The following GAB4 variants were observed in gnomAD, a reference collection of about 807,000 sequenced individuals.
GAB4 encodes GRB2 associated binding protein family member 4.
In GAB4, 26 loss-of-function variants were observed where a neutral mutation model predicts 51.3. That is an observed-to-expected ratio of 0.51 (90% CI 0.37 to 0.70). GAB4 has a LOEUF of 0.70. Among genes scored for constraint, GAB4 ranks in the 30% least tolerant of loss-of-function variants. The pLI, the probability that GAB4 is intolerant of heterozygous loss-of-function variation, is 0.00. For missense variants in GAB4, 759 were observed against 734.6 expected, an observed-to-expected ratio of 1.03 and a Z score of -0.38; for synonymous variants, 329 against 291.2, an observed-to-expected ratio of 1.13 and a Z score of -1.32.
At chr22:16,966,617 T>C (rs2060678389) in intron 5 of GAB4, 1 of 499,128 alleles carries the variant, frequency 2.0e-6, no homozygotes, top group Admixed American at 3.4e-5. Flanking sequence ...CATGACACAG[T>C]CAACATGTAA....
At chr22:16,970,651 T>C (rs1187783891) in intron 3 of GAB4, among the ~76,000 whole-genome samples, 1 of 151,974 alleles carries the variant, frequency 6.6e-6, no homozygotes, top group Admixed American at 6.6e-5. Flanking sequence ...GGGGAGAGCT[T>C]TGAAGTGGGT....
intron 3 of GAB4, among the ~76,000 whole-genome samples, chr22:16,985,210 T>C (rs556045960): frequency 2.0e-5 from 3 of 152,340 alleles, no homozygotes; most frequent in African/African-American, 7.2e-5. Context: ...ACCCATTACA[T>C]ACATTTTTTG....
intron 1 of GAB4, 68 bp downstream of exon 1, chr22:17,007,873 C>G: frequency 1.4e-6 from 2 of 1,435,294 alleles, no homozygotes; most frequent in South Asian, 1.4e-5. Flanking sequence ...GCCGCCTCCC[C>G]CACGCCCCTC....
At chr22:16,963,590 T>C (rs1157268457) in intron 9 of GAB4, 135 bp downstream of exon 9, 13 of 676,384 alleles carry the variant, frequency 1.9e-5, no homozygotes, top group Non-Finnish European at 3.4e-5. Flanking sequence ...AGAGCACCAC[T>C]GAGCATAAGA....
intron 3 of GAB4, among the ~76,000 whole-genome samples, chr22:16,976,151 C>G (rs906239342): frequency 6.6e-6 from 1 of 152,182 alleles, no homozygotes; most frequent in African/African-American, 2.4e-5. Flanking sequence ...AGAAAGGGAA[C>G]AAAACTGCAC....
At chr22:16,975,466 C>A (rs1332841391) in intron 3 of GAB4, among the ~76,000 whole-genome samples, 2 of 152,218 alleles carry the variant, frequency 1.3e-5, no homozygotes, top group African/African-American at 4.8e-5. Flanking sequence ...CTAGATTCTT[C>A]CTCTCTGGGC....
chr22:16,969,573 T>C, intron 4 of GAB4: 1 of 493,554 alleles, frequency 2.0e-6, no homozygotes, highest in South Asian at 4.7e-5. Flanking sequence ...CGGTGCCACC[T>C]CCCCTCTCCC....
chr22:17,000,295 T>C (rs2060987061), intron 1 of GAB4, among the ~76,000 whole-genome samples: 1 of 152,260 alleles, frequency 6.6e-6, no homozygotes. Context: ...TCTAGGTCTC[T>C]AAGTATAGGC....
chr22:17,001,958 G>A (rs58713737), intron 1 of GAB4, among the ~76,000 whole-genome samples: 2,446 of 152,300 alleles, frequency 0.016, 63 homozygotes, highest in African/African-American at 0.056. Flanking sequence ...GGGACCCCCC[G>A]AGCCAGGTGT....
In GAB4 at chr22:17,008,222, C is replaced by T. The variant is rs2061060925; in HGVS notation, c.-108G>A. ...TACCCTGGGACTGCGGGGTAGAAAGCGCAGTTCTAGGGGAGGTCGGGGTCA... is the reference window on the plus strand; with the variant it reads ...TACCCTGGGACTGCGGGGTAGAAAGTGCAGTTCTAGGGGAGGTCGGGGTCA... On this transcript the variant is annotated 5_prime_UTR_variant, in exon 1 of 10. Transcript: ENST00000400588. The T allele has an allele frequency of 2.5e-6, 2 of 807,380 alleles. No homozygotes were observed. Among genetic ancestry groups the T allele is most frequent in the East Asian group, 2.7e-5 (1 of 37,032 alleles). 50.0% of individuals were successfully genotyped at this position (807,380 alleles called of 1,614,324 possible).
rs140189665 is a variant in GAB4 at position 16,982,005 on chromosome 22, C to T, written c.686+5955G>A. On this transcript the variant is annotated intron_variant, in intron 3 of 9. Transcript: ENST00000400588. ...TGACAAAAAGTTATTTGATAAAATG[C>T]TACATCCCTTGACAATAAAAACTCT... 4.0e-3 allele frequency among the ~76,000 whole-genome samples: 608 copies of T among 152,214 alleles called. 1 individual carries two copies. Among genetic ancestry groups the T allele is most frequent in the Middle Eastern group, 0.024 (7 of 294 alleles).
chr22:16,968,324 T>A lies in GAB4; in HGVS notation c.997A>T (p.Met333Leu), dbSNP rs746117836. Residue 333 changes from methionine to leucine, a missense_variant, in exon 5 of 10, where the codon ATG (methionine) becomes TTG (leucine). This residue lies in a region of GAB4 where 588 missense variants were observed against 510.2 expected (regional missense o/e 1.15). Transcript: ENST00000400588. Reference sequence around the variant, plus strand: ...AGGAAAGAACAGACTCCCTCATGCATGGACTCAGCAGGCCGGCTGGCATTC... The same window carrying A: ...AGGAAAGAACAGACTCCCTCATGCAAGGACTCAGCAGGCCGGCTGGCATTC... ...GGNASRPAESMHEGVCSFLPG... is the reference protein window; with the variant it reads ...GGNASRPAESLHEGVCSFLPG... The A allele has an allele frequency of 1.2e-6, 2 of 1,613,936 alleles. No homozygotes were observed. The highest frequency in any genetic ancestry group is 1.7e-5 in the Admixed American group (1 of 60,024).
intron 3 of GAB4, among the ~76,000 whole-genome samples, chr22:16,977,202 C>A (rs1314061341): frequency 6.6e-6 from 1 of 152,134 alleles, no homozygotes; most frequent in Non-Finnish European, 1.5e-5. Context: ...GGGCTAAATG[C>A]CGCAATTAAA....
At chr22:16,990,724 C>T (rs116166367) in intron 2 of GAB4, among the ~76,000 whole-genome samples, 3,361 of 152,304 alleles carry the variant, frequency 0.022, 58 homozygotes, top group Middle Eastern at 0.068. Context: ...GGCTATAAAA[C>T]TGGTCAGCTC....
At chr22:16,966,441 C>G in intron 5 of GAB4, 77 bp from the exon 6 acceptor site, 1 of 1,429,334 alleles carries the variant, frequency 7.0e-7, no homozygotes, top group Non-Finnish European at 9.5e-7. Flanking sequence ...TAGACAAGGC[C>G]AAAAAGAGTC....
At chr22:16,987,051 C>A (rs2060873960) in intron 3 of GAB4, among the ~76,000 whole-genome samples, 1 of 152,206 alleles carries the variant, frequency 6.6e-6, no homozygotes, top group South Asian at 2.1e-4. Flanking sequence ...ATCTTCCTAG[C>A]TATCTCTCAT....
intron 1 of GAB4, among the ~76,000 whole-genome samples, chr22:16,995,335 C>T (rs888596381): frequency 4.6e-5 from 7 of 152,216 alleles, no homozygotes; most frequent in Non-Finnish European, 2.9e-5. Flanking sequence ...ACACTTTCTT[C>T]CAGTGCCTGT....
intron 1 of GAB4, among the ~76,000 whole-genome samples, chr22:17,004,170 A>T (rs1384440088): frequency 5.9e-5 from 9 of 152,156 alleles, no homozygotes; most frequent in Non-Finnish European, 1.0e-4. Flanking sequence ...CTGAAATTGA[A>T]GCAATAATTA....
intron 3 of GAB4, among the ~76,000 whole-genome samples, chr22:16,985,622 T>C (rs2060860863): frequency 6.6e-6 from 1 of 152,226 alleles, no homozygotes; most frequent in East Asian, 1.9e-4. Flanking sequence ...CCCTTGGAAT[T>C]TGGCAAACAG....
Sources: gnomAD v4.1 joint callset for allele counts (sites outside exome capture counted in the v4.1 genomes callset) on GRCh38, gnomAD v4.1.1 for gene constraint, gnomAD v4.1.1 regional missense constraint, MANE v1.5 for transcripts, NCBI Gene and HGNC (gene_info 2026-07-23, HGNC 2026-07-21) for gene names.